The following MTUS2 variants were observed in gnomAD, a reference collection of about 807,000 sequenced individuals.
The protein encoded by MTUS2 is microtubule associated scaffold protein 2, also known as microtubule-associated tumor suppressor candidate 2.
In MTUS2, 40 loss-of-function variants were observed where a neutral mutation model predicts 114.1. That is an observed-to-expected ratio of 0.35 (90% CI 0.27 to 0.46). MTUS2 has a LOEUF of 0.46. Among genes scored for constraint, MTUS2 ranks in the 20% least tolerant of loss-of-function variants. MTUS2 has a pLI of 1.00. For synonymous variants in MTUS2, 688 were observed against 672.0 expected (o/e 1.02, Z -0.37); for missense variants, 1,679 against 1,705.4 (o/e 0.98, Z 0.27).
intron 4 of MTUS2, among the ~76,000 whole-genome samples, chr13:29,038,823 G>A (rs539898660): frequency 6.6e-6 from 1 of 152,182 alleles, no homozygotes. Flanking sequence ...CGAACTTTCT[G>A]GTGGCTTTGT....
At chr13:29,020,771 C>T (rs1299678926) in intron 2 of MTUS2, among the ~76,000 whole-genome samples, 3 of 151,410 alleles carry the variant, frequency 2.0e-5, no homozygotes, top group African/African-American at 7.3e-5. Flanking sequence ...AAATGTGTCC[C>T]AGCTCTGCCA....
chr13:28,850,737 T>C (rs1876214306), intron 2 of MTUS2, among the ~76,000 whole-genome samples: 1 of 152,220 alleles, frequency 6.6e-6, no homozygotes, highest in African/African-American at 2.4e-5. Flanking sequence ...CTTTAGACAG[T>C]TGATTCATTT....
chr13:29,174,792 AC>A (rs1415943374), intron 5 of MTUS2, among the ~76,000 whole-genome samples: 1 of 152,218 alleles, frequency 6.6e-6, no homozygotes, highest in Admixed American at 6.5e-5. Flanking sequence ...CCAGCAGGGC[AC>A]ATGGTGATTA....
intron 8 of MTUS2, among the ~76,000 whole-genome samples, chr13:29,424,702 C>A (rs114035833): frequency 6.6e-6 from 1 of 152,254 alleles, no homozygotes; most frequent in African/African-American, 2.4e-5. Flanking sequence ...GATTTGAGAG[C>A]TAAATTTCAC....
At chr13:29,171,965 C>T (rs965473367) in intron 5 of MTUS2, among the ~76,000 whole-genome samples, 10 of 152,304 alleles carry the variant, frequency 6.6e-5, no homozygotes, top group East Asian at 5.8e-4. Context: ...CCCATCTAGC[C>T]GCAGGGAAGG....
chr13:29,463,820 G>A (rs940920192), intron 9 of MTUS2, among the ~76,000 whole-genome samples: 4 of 152,162 alleles, frequency 2.6e-5, no homozygotes, highest in East Asian at 1.9e-4. Context: ...CCAACATGGC[G>A]AAACCCCATC....
chr13:29,389,303 G>GTATACACATGTGTGTA lies in MTUS2; in HGVS notation c.3117+29831_3117+29832insATACACATGTGTGTAT, dbSNP rs1566172197. Among the ~76,000 whole-genome samples, 396 of 114,504 alleles carry GTATACACATGTGTGTA rather than the reference G, an allele frequency of 3.5e-3. 31 individuals carry two copies. Among genetic ancestry groups the GTATACACATGTGTGTA allele is most frequent in the African/African-American group, 0.014 (375 of 26,158 alleles). The allele number at this position is 114,504 out of a possible 152,430, so 75.1% of individuals were successfully genotyped here. A position where few individuals can be genotyped will look rare whatever the true frequency, so the allele number is the denominator to read the frequency against. On this transcript the variant is annotated intron_variant, in intron 8 of 15. Transcript: ENST00000612955. ...TATGTATACACATATGTGTGTATAT[G>GTATACACATGTGTGTA]TGTATATATGTATACACATATGTGT...
intron 7 of MTUS2, among the ~76,000 whole-genome samples, chr13:29,326,608 TACAA>T (rs1178675603): frequency 6.6e-6 from 1 of 152,008 alleles, no homozygotes; most frequent in Non-Finnish European, 1.5e-5. Flanking sequence ...ATTGAAAGAA[TACAA>T]TAAGATATTA....
chr13:28,879,692 A>G (rs554492419), intron 2 of MTUS2, among the ~76,000 whole-genome samples: 10 of 152,328 alleles, frequency 6.6e-5, no homozygotes, highest in East Asian at 5.8e-4. Context: ...AATGATTTCC[A>G]TCAAATAATA....
Position 29,097,151 on chromosome 13 carries a change from C to CG in MTUS2, c.2447-3622_2447-3621insG, listed in dbSNP as rs1890212140. 5.0e-5 allele frequency among the ~76,000 whole-genome samples: 4 copies of CG among 79,702 alleles called. 1 individual carries two copies. Among genetic ancestry groups the CG allele is most frequent in the South Asian group, 6.4e-4 (2 of 3,128 alleles). 52.3% of individuals were successfully genotyped at this position (79,702 alleles called of 152,430 possible). A position where few individuals can be genotyped will look rare whatever the true frequency, so the allele number is the denominator to read the frequency against. ...CCACACACATCCAGAGTAGAGCTTT[C>CG]ATATATTGTGATGATAGTAGGGGAG... is the stretch of plus-strand genomic sequence containing the variant. On this transcript the variant is annotated intron_variant, in intron 4 of 15. Coordinates refer to ENST00000612955, the MANE Select transcript of MTUS2 (RefSeq NM_001033602.4).
At chr13:29,429,556 C>A (rs909182375) in intron 8 of MTUS2, among the ~76,000 whole-genome samples, 1 of 152,148 alleles carries the variant, frequency 6.6e-6, no homozygotes, top group Non-Finnish European at 1.5e-5. Context: ...ATAGCAATTC[C>A]AACACAAAGC....
rs1883099809 is a variant in MTUS2 at position 29,504,398 on chromosome 13, A to T, written c.*1192A>T. The T allele has an allele frequency of 4.3e-6, 1 of 232,340 alleles. No individual in the cohort carries two copies. Among genetic ancestry groups the T allele is most frequent in the Admixed American group, 5.6e-5 (1 of 17,736 alleles). The allele number at this position is 232,340 out of a possible 1,614,324, so 14.4% of individuals were successfully genotyped here. A position where few individuals can be genotyped will look rare whatever the true frequency, so the allele number is the denominator to read the frequency against. The stretch of plus-strand genomic sequence containing the variant: ...GGTTCTAGCAGGGGCTTCCAGAAAA[A>T]AAAAACACCATTTCTGTCCCGGGGG... On this transcript the variant is annotated 3_prime_UTR_variant, in exon 16 of 16. Transcript: ENST00000612955.
intron 4 of MTUS2, among the ~76,000 whole-genome samples, chr13:29,097,418 A>G (rs1890223381): frequency 6.6e-6 from 1 of 152,190 alleles, no homozygotes; most frequent in South Asian, 2.1e-4. Context: ...GTGCCACCTC[A>G]GCTTTCCTGT....
In MTUS2 at chr13:29,492,624, C is replaced by A. The variant is rs753746755; in HGVS notation, c.3506-22C>A. ...CTTTTCAAAAGAAAGACCAACTTGA[C>A]AATTTAATGTCTTCTTTCCAGAATT... On this transcript the variant is annotated intron_variant, in intron 11 of 15. Coordinates refer to ENST00000612955, the MANE Select transcript of MTUS2 (RefSeq NM_001033602.4). 2.5e-6 allele frequency: 4 copies of A among 1,596,080 alleles called. No homozygotes were observed. The Admixed American group carries it at 5.0e-5, about 20-fold the overall frequency.
At chr13:28,936,904 G>C (rs1171643426) in intron 2 of MTUS2, among the ~76,000 whole-genome samples, 1 of 152,162 alleles carries the variant, frequency 6.6e-6, no homozygotes, top group Non-Finnish European at 1.5e-5. Context: ...TCTGCTACTT[G>C]GGAGTTCCGG....
chr13:28,841,940 C>T (rs540776077), intron 2 of MTUS2, among the ~76,000 whole-genome samples: 1 of 152,316 alleles, frequency 6.6e-6, no homozygotes, highest in Non-Finnish European at 1.5e-5. Flanking sequence ...CCGCCTTGGC[C>T]TCCCAAATTG....
At chr13:29,303,060 A>G (rs12431156) in intron 6 of MTUS2, among the ~76,000 whole-genome samples, 51,063 of 152,154 alleles carry the variant, frequency 0.34, 8,896 homozygotes, top group Admixed American at 0.45. Context: ...TAGCAGCCCT[A>G]CAGTAGAATG....
intron 2 of MTUS2, among the ~76,000 whole-genome samples, chr13:28,976,845 A>G (rs1351205191): frequency 6.6e-6 from 1 of 152,204 alleles, no homozygotes; most frequent in African/African-American, 2.4e-5. Flanking sequence ...GGAATAAGAT[A>G]CAAAATAATC....
intron 7 of MTUS2, among the ~76,000 whole-genome samples, chr13:29,326,735 C>T (rs1357567380): frequency 6.6e-6 from 1 of 152,112 alleles, no homozygotes; most frequent in Admixed American, 6.5e-5. Flanking sequence ...AATCCCAGCA[C>T]TTTGGGAGGC....
Sources: allele counts gnomAD v4.1 joint callset (sites outside exome capture counted in the v4.1 genomes callset), GRCh38; gene constraint gnomAD v4.1.1; transcripts MANE v1.5; gene names NCBI Gene and HGNC (gene_info 2026-07-23, HGNC 2026-07-21).